CACNA1E: variants seen among roughly 807,000 people sequenced by gnomAD.
CACNA1E encodes the protein voltage-dependent R-type calcium channel subunit alpha-1E.
Under a neutral mutation model 259.2 loss-of-function variants are expected in CACNA1E, and 40 were observed. That is an observed-to-expected ratio of 0.15 (90% CI 0.12 to 0.20). The LOEUF (loss-of-function observed/expected upper bound fraction) is 0.20, where lower values mean the gene tolerates loss of function less well. Ranked by LOEUF, CACNA1E falls within the 10% of genes least tolerant of loss-of-function variation. The pLI is 1.00. For missense variants in CACNA1E, 1,874 were observed against 3,040.1 expected (o/e 0.62, Z 9.02); for synonymous variants, 1,104 against 1,138.5 (o/e 0.97, Z 0.61).
chr1:181,798,394 C>A lies in CACNA1E; in HGVS notation c.6502C>A (p.Pro2168Thr), dbSNP rs1251726954. The A allele has an allele frequency of 6.2e-7, 1 of 1,613,460 alleles. No individual in the cohort carries two copies. Among genetic ancestry groups the A allele is most frequent in the African/African-American group, 1.3e-5 (1 of 75,030 alleles). ...QLPPVPPKPRPLLSYSSLIRH... is the reference protein window; with the variant it reads ...QLPPVPPKPRTLLSYSSLIRH... The stretch of plus-strand genomic sequence containing the variant: ...CCCACCCGTCCCGCCAAAGCCCCGG[C>A]CCCTCCTTTCCTACAGCTCCCTGAT... The change falls in exon 48 of 48, where the codon CCC becomes ACC. Residue 2168 changes from proline (P) to threonine (T), a missense_variant. Pro to Thr is a conservative substitution (Grantham distance 38). Coordinates refer to ENST00000367573, the MANE Select transcript of CACNA1E (RefSeq NM_001205293.3). The surrounding 1 kb of genome is among the most constrained non-coding windows in gnomAD (Gnocchi z 4.2).
At chr1:181,762,532 C>CA in intron 32 of CACNA1E, 42 bp from the exon 33 acceptor site, 1 of 1,048,470 alleles carries the variant, frequency 9.5e-7, no homozygotes, top group Non-Finnish European at 1.4e-6. Context: ...TTTTTTTTTT[C>CA]TTTCCTTTTC....
At chr1:181,469,426 A>G (rs1662353136) in intron 2 of CACNA1E, among the ~76,000 whole-genome samples, 1 of 152,146 alleles carries the variant, frequency 6.6e-6, no homozygotes, top group Non-Finnish European at 1.5e-5. Context: ...CCTAGGAGGG[A>G]GCTGGTTTGT....
intron 1 of CACNA1E, among the ~76,000 whole-genome samples, chr1:181,350,577 G>A (rs6703292): frequency 0.053 from 8,030 of 152,180 alleles, 366 homozygotes; most frequent in African/African-American, 0.12. Context: ...AACGTTAGAC[G>A]GAATGAGTCC....
chr1:181,502,517 G>A (rs1004780520), intron 1 of CACNA1E, among the ~76,000 whole-genome samples: 2 of 152,056 alleles, frequency 1.3e-5, no homozygotes, highest in Non-Finnish European at 2.9e-5. Flanking sequence ...CTTAACCTGG[G>A]CCCTCTCACC....
chr1:181,379,369 C>A (rs1312193986), intron 1 of CACNA1E, among the ~76,000 whole-genome samples: 1 of 152,056 alleles, frequency 6.6e-6, no homozygotes, highest in Non-Finnish European at 1.5e-5. Context: ...GCTTACAAAC[C>A]ACAAGCAAAA....
At chr1:181,399,437 A>C (rs113749334) in intron 1 of CACNA1E, among the ~76,000 whole-genome samples, 215 of 152,338 alleles carry the variant, frequency 1.4e-3, no homozygotes, top group Admixed American at 4.2e-3. Context: ...AATTGTGTTT[A>C]CTTACAGACC....
rs1665274056 is a variant in CACNA1E, at chr1:181,501,865, C to T, written c.267-8612C>T. Among the ~76,000 whole-genome samples, 3 of 152,104 alleles carry T rather than the reference C, an allele frequency of 2.0e-5. No homozygotes were observed. In the South Asian group the frequency reaches 6.2e-4, roughly 32 times the overall value. The stretch of plus-strand genomic sequence containing the variant: ...CACCATGGAAACCAAAGTTAAAAAA[C>T]TGATGTTAAGGCTGGAAGTCACATG... On this transcript the variant is annotated intron_variant, in intron 1 of 47. Coordinates refer to ENST00000367573, the MANE Select transcript of CACNA1E (RefSeq NM_001205293.3).
intron 1 of CACNA1E, among the ~76,000 whole-genome samples, chr1:181,493,943 A>C (rs534290116): frequency 6.6e-6 from 1 of 152,328 alleles, no homozygotes; most frequent in African/African-American, 2.4e-5. Context: ...TGACCACTGT[A>C]ATCACTGTCT....
intron 1 of CACNA1E, among the ~76,000 whole-genome samples, chr1:181,358,578 C>A (rs1342556343): frequency 6.6e-6 from 1 of 152,060 alleles, no homozygotes; most frequent in Non-Finnish European, 1.5e-5. Flanking sequence ...AGGAACTAGG[C>A]ATGGAGATTT....
chr1:181,482,208 C>A (rs1190589453), upstream of CACNA1E, among the ~76,000 whole-genome samples: 1 of 152,214 alleles, frequency 6.6e-6, no homozygotes, highest in African/African-American at 2.4e-5. Context: ...TGCGGAGGAG[C>A]GGCGACGCGG....
intron 1 of CACNA1E, among the ~76,000 whole-genome samples, chr1:181,374,300 A>G (rs1287649850): frequency 6.6e-6 from 1 of 151,678 alleles, no homozygotes; most frequent in African/African-American, 2.4e-5. Context: ...ATTTCCATGT[A>G]ATTGTATGGT....
Position 181,783,859 on chromosome 1 carries a change from T to C in CACNA1E, c.5470+75T>C, listed in dbSNP as rs1248726012. ...TCATGCAGGTGGCACAGGATGGAGATATTTGAACTGTCATCTATCCAGTTA... is the reference window on the plus strand; with the variant it reads ...TCATGCAGGTGGCACAGGATGGAGACATTTGAACTGTCATCTATCCAGTTA... On this transcript the variant is annotated intron_variant, in intron 40 of 47. Transcript: ENST00000367573. 5 of 923,956 alleles carry C rather than the reference T, an allele frequency of 5.4e-6. No individual in the cohort carries two copies. In the South Asian group the frequency reaches 6.7e-5, roughly 12 times the overall value. 57.2% of individuals were successfully genotyped at this position (923,956 alleles called of 1,614,324 possible). A position where few individuals can be genotyped will look rare whatever the true frequency, so the allele number is the denominator to read the frequency against.
intron 1 of CACNA1E, among the ~76,000 whole-genome samples, chr1:181,369,603 A>G (rs902677227): frequency 6.6e-6 from 1 of 152,136 alleles, no homozygotes. Flanking sequence ...AGCATGACAC[A>G]CCAAAGAACC....
Position 181,569,957 on chromosome 1 carries a change from CT to C in CACNA1E, c.513-7808del, listed in dbSNP as rs780153201. Among the ~76,000 whole-genome samples, 3 of 152,234 alleles carry C rather than the reference CT, an allele frequency of 2.0e-5. No individual in the cohort carries two copies. In the South Asian group the frequency reaches 6.2e-4, roughly 32 times the overall value. On this transcript the variant is annotated intron_variant, in intron 3 of 47. Coordinates refer to ENST00000367573, the MANE Select transcript of CACNA1E (RefSeq NM_001205293.3). ...TGGGAGTTAAACATAGAGCAGCTCT[CT>C]GGATGTTGAGAGGAAGGGAGATTGG...
At chr1:181,774,879 G>A (rs968297405) in intron 37 of CACNA1E, among the ~76,000 whole-genome samples, 10 of 152,224 alleles carry the variant, frequency 6.6e-5, no homozygotes, top group African/African-American at 2.4e-4. Flanking sequence ...ACTTACAAGA[G>A]ACAGAAAGCC....
intron 1 of CACNA1E, among the ~76,000 whole-genome samples, chr1:181,370,441 G>A (rs975253862): frequency 1.1e-4 from 16 of 151,318 alleles, no homozygotes; most frequent in Admixed American, 2.0e-4. Flanking sequence ...ACCCTCCTTC[G>A]TCAAGTAGGC....
intron 6 of CACNA1E, among the ~76,000 whole-genome samples, chr1:181,598,916 A>G (rs1022830999): frequency 1.3e-4 from 20 of 148,866 alleles, no homozygotes; most frequent in South Asian, 4.2e-4. Flanking sequence ...GGCTGTGGCC[A>G]CACTGTTTCT....
intron 3 of CACNA1E, among the ~76,000 whole-genome samples, chr1:181,522,671 A>G (rs1481772018): frequency 6.6e-6 from 1 of 152,158 alleles, no homozygotes; most frequent in Non-Finnish European, 1.5e-5. Context: ...GGGGAGCTCA[A>G]AGTGCTCTGT....
intron 7 of CACNA1E, among the ~76,000 whole-genome samples, chr1:181,685,992 G>A (rs2102292655): frequency 6.6e-6 from 1 of 152,138 alleles, no homozygotes; most frequent in South Asian, 2.1e-4. Context: ...AGGCTCTCAG[G>A]GAGCACTTTG....
Sources: gnomAD v4.1 joint callset for allele counts (sites outside exome capture counted in the v4.1 genomes callset) on GRCh38, gnomAD v4.1.1 for gene constraint, Gnocchi (gnomAD v3.1) non-coding constraint, MANE v1.5 for transcripts, NCBI Gene and HGNC (gene_info 2026-07-23, HGNC 2026-07-21) for gene names.